FCHSD2: variants seen among roughly 807,000 people sequenced by gnomAD.
The protein encoded by FCHSD2 is FCH and double SH3 domains 2.
Under a neutral mutation model 108.1 loss-of-function variants are expected in FCHSD2, and 38 were observed. That is an observed-to-expected ratio of 0.35 (90% CI 0.27 to 0.46). The LOEUF (loss-of-function observed/expected upper bound fraction) is 0.46. FCHSD2 is among the 20% of genes least tolerant of loss of function. The pLI, the probability that FCHSD2 is intolerant of heterozygous loss-of-function variation, is 1.00. For missense variants in FCHSD2, 751 were observed against 897.8 expected (o/e 0.84, Z 2.09); for synonymous variants, 279 against 314.7 (o/e 0.89, Z 1.20).
At chr11:72,895,156 G>A (rs1026588958) in intron 10 of FCHSD2, among the ~76,000 whole-genome samples, 1 of 152,174 alleles carries the variant, frequency 6.6e-6, no homozygotes, top group African/African-American at 2.4e-5. Flanking sequence ...GATAATTGTT[G>A]AGTGTGCCTG....
chr11:73,083,614 G>A, intron 3 of FCHSD2, 81 bp downstream of exon 3: 1 of 804,950 alleles, frequency 1.2e-6, no homozygotes, highest in Non-Finnish European at 2.1e-6. Context: ...GGATAATATG[G>A]CTTCTCTCCA....
chr11:73,139,796 CT>C (rs1398336816), intron 2 of FCHSD2, among the ~76,000 whole-genome samples: 2 of 152,160 alleles, frequency 1.3e-5, no homozygotes, highest in African/African-American at 4.8e-5. Context: ...ACTAGTAAGA[CT>C]TTTAAGGTCC....
In FCHSD2 at chr11:73,115,612, C is replaced by G. The variant is rs575651421; in HGVS notation, c.119+24419G>C. ...AAGAGAGAAAACACGAGAGAGAAGG[C>G]AGATAGCTAGACACAGACAGACATA... is the stretch of plus-strand genomic sequence containing the variant. On this transcript the variant is annotated intron_variant, in intron 2 of 19. Transcript: ENST00000409418. Among the ~76,000 whole-genome samples the G allele has an allele frequency of 1.2e-3, 179 of 152,284 alleles. 1 individual carries two copies. The highest frequency in any genetic ancestry group is 4.1e-3 in the African/African-American group (172 of 41,556).
chr11:72,871,511 GTT>G lies in FCHSD2; in HGVS notation c.1147-3487_1147-3486del, dbSNP rs1282207343. 9.1e-3 allele frequency among the ~76,000 whole-genome samples: 1,387 copies of G among 152,144 alleles called. 21 individuals are homozygous for G. The highest frequency in any genetic ancestry group is 0.03 in the African/African-American group (1,265 of 41,504). ...TAAGGTTCCACTAAGCTAATTTTAG[GTT>G]AAGTAAGGTTCCACTTACTTAACCT... On this transcript the variant is annotated intron_variant, in intron 12 of 19. Coordinates refer to ENST00000409418, the MANE Select transcript of FCHSD2 (RefSeq NM_014824.3).
In FCHSD2 at chr11:72,838,564, A is replaced by T; in HGVS notation, c.*227T>A. ...CTCTTTGCTCCTAGGGTCCGCTAGG[A>T]TTTGTGCTATGGTAGGAGAAATGAC... is the stretch of plus-strand genomic sequence containing the variant. On this transcript the variant is annotated 3_prime_UTR_variant, in exon 20 of 20. Coordinates refer to ENST00000409418, the MANE Select transcript of FCHSD2 (RefSeq NM_014824.3). 5.3e-6 allele frequency: 3 copies of T among 567,808 alleles called. No individual in the cohort carries two copies. The highest frequency in any genetic ancestry group is 9.5e-6 in the Non-Finnish European group (3 of 316,536). The allele number at this position is 567,808 out of a possible 1,614,324, so 35.2% of individuals were successfully genotyped here. A position where few individuals can be genotyped will look rare whatever the true frequency, so the allele number is the denominator to read the frequency against.
At chr11:72,903,538 G>T (rs1303793608) in intron 9 of FCHSD2, among the ~76,000 whole-genome samples, 1 of 152,066 alleles carries the variant, frequency 6.6e-6, no homozygotes, top group Non-Finnish European at 1.5e-5. Flanking sequence ...TATAAAAGGA[G>T]AATTCTGATA....
intron 3 of FCHSD2, among the ~76,000 whole-genome samples, chr11:73,069,924 T>TA (rs954899990): frequency 2.6e-5 from 4 of 151,892 alleles, no homozygotes; most frequent in South Asian, 4.1e-4. Context: ...ACTAAATATG[T>TA]AAAAAAACAG....
At chr11:72,906,828 C>T (rs1461299896) in intron 9 of FCHSD2, among the ~76,000 whole-genome samples, 1 of 152,092 alleles carries the variant, frequency 6.6e-6, no homozygotes, top group East Asian at 1.9e-4. Flanking sequence ...TTACTGTAGC[C>T]TTGTAGTATA....
At chr11:73,063,515 C>T (rs1372612497) in intron 3 of FCHSD2, among the ~76,000 whole-genome samples, 13 of 152,072 alleles carry the variant, frequency 8.5e-5, no homozygotes, top group East Asian at 1.9e-4. Flanking sequence ...AGAGTCAAGA[C>T]CCATCAGTGT....
intron 8 of FCHSD2, among the ~76,000 whole-genome samples, chr11:72,963,364 G>A (rs1387257790): frequency 1.3e-5 from 2 of 152,100 alleles, no homozygotes; most frequent in Non-Finnish European, 1.5e-5. Context: ...AGCAATCTGG[G>A]ATACTTACTA....
chr11:73,122,415 C>T (rs1860756451), intron 2 of FCHSD2, among the ~76,000 whole-genome samples: 1 of 152,150 alleles, frequency 6.6e-6, no homozygotes, highest in African/African-American at 2.4e-5. Context: ...AGCAGGTATA[C>T]AGGCATCCCC....
Position 72,843,514 on chromosome 11 carries a change from A to T in FCHSD2, c.1462T>A (p.Leu488Met), listed in dbSNP as rs143408886. The T allele has an allele frequency of 6.2e-6, 10 of 1,613,584 alleles. No homozygotes were observed. Among genetic ancestry groups the T allele is most frequent in the Non-Finnish European group, 8.5e-6 (10 of 1,179,624 alleles). Residue 488 changes from leucine to methionine, a missense_variant, in exon 15 of 20, where the codon TTG (leucine) becomes ATG (methionine). By Grantham distance (15) the Leu-to-Met change is conservative. Coordinates refer to ENST00000409418, the MANE Select transcript of FCHSD2 (RefSeq NM_014824.3). ...YSYKASQPDE[L>M]TIEEHEVLEV... ...AACACCTCATGTTCCTCAATGGTCA[A>T]CTCATCTGGTTGAGAAGCCTGCAGT... is the stretch of plus-strand genomic sequence containing the variant.
intron 2 of FCHSD2, among the ~76,000 whole-genome samples, chr11:73,119,702 C>T (rs1421366324): frequency 6.6e-6 from 1 of 152,178 alleles, no homozygotes; most frequent in East Asian, 1.9e-4. Flanking sequence ...CCACCTTGGC[C>T]TCCCAAAGTG....
rs1421630102 is a variant in FCHSD2 at position 72,876,980 on chromosome 11, T to TA, written c.1147-8955_1147-8954insT. 2.6e-5 allele frequency among the ~76,000 whole-genome samples: 4 copies of TA among 152,138 alleles called. 1 individual carries two copies. The highest frequency in any genetic ancestry group is 5.9e-5 in the Non-Finnish European group (4 of 68,034). ...AACAGTAATATGATCACTTCATTTT[T>TA]TTTTTTTTTAGACAGGGTCTGGACT... is the stretch of plus-strand genomic sequence containing the variant. On this transcript the variant is annotated intron_variant, in intron 12 of 19. Coordinates refer to ENST00000409418, the MANE Select transcript of FCHSD2 (RefSeq NM_014824.3).
chr11:72,882,744 T>C (rs1398565861), intron 12 of FCHSD2, among the ~76,000 whole-genome samples: 5 of 152,232 alleles, frequency 3.3e-5, no homozygotes, highest in Non-Finnish European at 5.9e-5. Context: ...ATCATGTTCA[T>C]GAATTAGAAG....
chr11:72,993,597 T>C (rs1857461313), intron 5 of FCHSD2, among the ~76,000 whole-genome samples: 1 of 152,178 alleles, frequency 6.6e-6, no homozygotes, highest in Non-Finnish European at 1.5e-5. Context: ...GATGAGTTCA[T>C]GTCCTTTGTA....
intron 3 of FCHSD2, among the ~76,000 whole-genome samples, chr11:73,045,434 C>T (rs577144109): frequency 1.1e-4 from 17 of 151,476 alleles, no homozygotes; most frequent in African/African-American, 3.9e-4. Flanking sequence ...ACCCAAAGGA[C>T]TATAAATCAT....
intron 11 of FCHSD2, among the ~76,000 whole-genome samples, chr11:72,888,514 AC>A (rs1855244958): frequency 6.6e-6 from 1 of 152,226 alleles, no homozygotes; most frequent in Non-Finnish European, 1.5e-5. Context: ...AAAGAATGAG[AC>A]GGATATAGGT....
chr11:72,843,805 C>T (rs1591332544), intron 14 of FCHSD2: 4 of 344,734 alleles, frequency 1.2e-5, no homozygotes, highest in East Asian at 1.0e-4. Flanking sequence ...GGCAACACAG[C>T]GAGACCCCCA....
Sources: allele counts gnomAD v4.1 joint callset (sites outside exome capture counted in the v4.1 genomes callset), GRCh38; gene constraint gnomAD v4.1.1; transcripts MANE v1.5; gene names NCBI Gene and HGNC (gene_info 2026-07-23, HGNC 2026-07-21).